Variants in ZAN observed in about 807,000 individuals in gnomAD.
ZAN encodes zonadhesin (gene/pseudogene).
In ZAN, 260 loss-of-function variants were observed where a neutral mutation model predicts 286.2. The ratio of observed to expected loss-of-function variants is 0.91; its 90% CI spans 0.82 to 1.01. ZAN has a LOEUF of 1.01. Among genes scored for constraint, ZAN ranks in the 50% least tolerant of loss-of-function variants. The pLI is 0.00. For synonymous variants in ZAN, 1,368 were observed against 1,417.5 expected (o/e 0.97, Z 0.79); for missense variants, 3,410 against 3,639.2 (o/e 0.94, Z 1.62).
intron 37 of ZAN, among the ~76,000 whole-genome samples, chr7:100,786,972 G>T (rs1324204823): frequency 6.6e-6 from 1 of 152,080 alleles, no homozygotes; most frequent in Non-Finnish European, 1.5e-5. Context: ...TGACGCAGGA[G>T]AATTGCTTGA....
In ZAN at chr7:100,758,537, C is replaced by T; in HGVS notation, c.3458C>T (p.Thr1153Ile). 6.4e-7 allele frequency: 1 copy of T among 1,558,958 alleles called. No individual in the cohort carries two copies. ...GQYGCHPYAGTATCLVYGDPH... is the reference protein window; with the variant it reads ...GQYGCHPYAGIATCLVYGDPH... ...TTCTCCTTCCCCCTCCCAGCAGGCA[C>T]TGCCACCTGCTTGGTCTACGGAGAC... Residue 1153 changes from threonine to isoleucine, a missense_variant, in exon 17 of 48, where the codon ACT becomes ATT. Around this residue, in one of 7 missense-constraint regions of ZAN, gnomAD observed 1,042 missense variants for 1,058.0 expected, o/e 0.98. Coordinates refer to ENST00000613979, the MANE Select transcript of ZAN (RefSeq NM_003386.3).
At chr7:100,790,125 G>A (rs541234103) in intron 39 of ZAN, among the ~76,000 whole-genome samples, 1 of 151,944 alleles carries the variant, frequency 6.6e-6, no homozygotes, top group African/African-American at 2.4e-5. Flanking sequence ...TTAGCTGGAT[G>A]TGGTGGTGCA....
chr7:100,773,854 G>GTT lies in ZAN; in HGVS notation c.5769_5770insTT (p.Arg1924PhefsTer18), dbSNP rs1060499917. On this transcript the variant is annotated frameshift_variant, in exon 31 of 48. Coordinates refer to ENST00000613979, the MANE Select transcript of ZAN (RefSeq NM_003386.3). LOFTEE classifies it high-confidence loss of function. The stretch of plus-strand genomic sequence containing the variant: ...TGGGCCCTGGATGGGCTGCTCCATT[G>GTT]TCGGGCCTCAGGTAGGAGGACCACG... 0.54 allele frequency: 725,741 copies of GTT among 1,356,342 alleles called. 175,140 individuals carry two copies. Among genetic ancestry groups the GTT allele is most frequent in the Middle Eastern group, 0.63 (3,333 of 5,262 alleles). The allele number at this position is 1,356,342 out of a possible 1,614,324, so 84.0% of individuals were successfully genotyped here.
intron 1 of ZAN, 146 bp from the exon 2 acceptor site, chr7:100,733,881 A>G: frequency 1.1e-5 from 3 of 267,062 alleles, no homozygotes; most frequent in Non-Finnish European, 2.2e-5. Context: ...TTGAGGTTAG[A>G]CTTCCTGGAT....
intron 23 of ZAN, 118 bp downstream of exon 23, chr7:100,765,672 C>T (rs574798150): frequency 6.3e-5 from 82 of 1,305,298 alleles, no homozygotes; most frequent in African/African-American, 5.9e-4. Context: ...GTTTTTGAGA[C>T]GGAGTTTTGC....
rs1810387900 is a variant in ZAN, at chr7:100,771,884, C to G, written c.5289C>G (p.Ser1763=). 6.2e-7 allele frequency: 1 copy of G among 1,613,144 alleles called. No individual in the cohort carries two copies. Residue 1763 remains serine, a synonymous_variant, in exon 29 of 48, where the codon TCC becomes TCG. Coordinates refer to ENST00000613979, the MANE Select transcript of ZAN (RefSeq NM_003386.3). The part of the protein sequence containing the change: ...SQCHQVVPPQ[S]SFASCVHGQC... ...GTCACCAGGTGGTGCCTCCCCAGTC[C>G]AGCTTTGCCAGTTGCGTGCATGGTC...
Position 100,734,240 on chromosome 7 carries a change from G to C in ZAN, c.53+19G>C. 6 of 1,417,032 alleles carry C rather than the reference G, an allele frequency of 4.2e-6. 1 individual carries two copies. The highest frequency in any genetic ancestry group is 5.7e-6 in the Non-Finnish European group (6 of 1,044,252). The allele number at this position is 1,417,032 out of a possible 1,614,324, so 87.8% of individuals were successfully genotyped here. ...TTTTCAGGTAAGCTGGGCCCAGGGG[G>C]TAATGATAAACCAGGGTCAGCTGAG... On this transcript the variant is annotated intron_variant, in intron 2 of 47. Coordinates refer to ENST00000613979, the MANE Select transcript of ZAN (RefSeq NM_003386.3).
chr7:100,791,148 G>A (rs1470835542), intron 40 of ZAN, 35 bp downstream of exon 40: 2 of 1,592,766 alleles, frequency 1.3e-6, no homozygotes, highest in East Asian at 4.5e-5. Context: ...CGGGGGAGGT[G>A]AACAACAATG....
intron 35 of ZAN, among the ~76,000 whole-genome samples, chr7:100,780,924 C>T (rs769099443): frequency 2.2e-4 from 34 of 151,610 alleles, no homozygotes; most frequent in Non-Finnish European, 1.2e-4. Context: ...ACCCCCGCAT[C>T]GCTACAAAAA....
intron 19 of ZAN, among the ~76,000 whole-genome samples, chr7:100,760,772 C>T (rs957697421): frequency 6.6e-6 from 1 of 152,146 alleles, no homozygotes; most frequent in Non-Finnish European, 1.5e-5. Context: ...GATGTACATG[C>T]TTTGGGAATG....
At chr7:100,759,667 G>T in intron 17 of ZAN, 54 bp from the exon 18 acceptor site, 1 of 1,532,382 alleles carries the variant, frequency 6.5e-7, no homozygotes. Flanking sequence ...CACTGCTCGC[G>T]GCAGATGTTC....
chr7:100,753,828 G>A (rs1377707840), intron 14 of ZAN, among the ~76,000 whole-genome samples: 14 of 112,688 alleles, frequency 1.2e-4, no homozygotes, highest in South Asian at 6.6e-4. Context: ...GCAAGACATC[G>A]TCCTAAAAAA....
rs945615729 is a variant in ZAN, at chr7:100,737,081, G to A, written c.525+1G>A. Reference sequence around the variant, plus strand: ...CGCAGGGTTCACCCTGCCCACCCGGGTAAGGCCGGGGACAAATTGTGGGAC... The same window carrying A: ...CGCAGGGTTCACCCTGCCCACCCGGATAAGGCCGGGGACAAATTGTGGGAC... On this transcript the variant is annotated splice_donor_variant, in intron 5 of 47. Coordinates refer to ENST00000613979, the MANE Select transcript of ZAN (RefSeq NM_003386.3). LOFTEE classifies it high-confidence loss of function. The A allele has an allele frequency of 6.7e-7, 1 of 1,490,832 alleles. No individual in the cohort carries two copies. The highest frequency in any genetic ancestry group is 9.2e-7 in the Non-Finnish European group (1 of 1,091,552). 92.4% of individuals were successfully genotyped at this position (1,490,832 alleles called of 1,614,324 possible).
In ZAN at chr7:100,766,534, C is replaced by T. The variant is rs370761138; in HGVS notation, c.4480C>T (p.Arg1494Trp). ...CTGCTGTCTTCCCCAGGTAGGGGAG[C>T]GGTGGTACAAGCCAGGCTGCAAAGA... ...PAGSYFKVGERWYKPGCKELC... is the reference protein window; with the variant it reads ...PAGSYFKVGEWWYKPGCKELC... Residue 1494 changes from arginine (R) to tryptophan (W), a missense_variant, in exon 24 of 48, where the codon CGG becomes TGG. This residue lies in a region of ZAN where 1,042 missense variants were observed against 1,058.0 expected (regional missense o/e 0.98). Transcript: ENST00000613979. 18 of 1,550,126 alleles carry T rather than the reference C, an allele frequency of 1.2e-5. No homozygotes were observed. Among genetic ancestry groups the T allele is most frequent in the Middle Eastern group, 1.7e-4 (1 of 6,006 alleles).
intron 40 of ZAN, among the ~76,000 whole-genome samples, chr7:100,791,603 C>T (rs1811964755): frequency 6.6e-6 from 1 of 152,120 alleles, no homozygotes; most frequent in African/African-American, 2.4e-5. Flanking sequence ...GACAGGGTTT[C>T]ACCATGTTGG....
chr7:100,748,641 C>G (rs1422920107), intron 11 of ZAN, among the ~76,000 whole-genome samples, 171 bp downstream of exon 11: 1 of 152,104 alleles, frequency 6.6e-6, no homozygotes, highest in African/African-American at 2.4e-5. Context: ...AGCAGAGTAA[C>G]TTAAAGATTC....
intron 41 of ZAN, 112 bp from the exon 42 acceptor site, chr7:100,792,293 C>T: frequency 6.6e-7 from 1 of 1,514,334 alleles, no homozygotes; most frequent in Non-Finnish European, 8.9e-7. Context: ...GTGACCCTCA[C>T]TGGACACCGA....
At chr7:100,779,019 T>G (rs1286283392) in intron 34 of ZAN, among the ~76,000 whole-genome samples, 1 of 149,334 alleles carries the variant, frequency 6.7e-6, no homozygotes, top group Non-Finnish European at 1.5e-5. Context: ...GGCGATACAG[T>G]GGGACCTTGT....
chr7:100,749,572 A>G (rs948194719), intron 11 of ZAN, among the ~76,000 whole-genome samples: 17 of 149,808 alleles, frequency 1.1e-4, no homozygotes, highest in Admixed American at 2.7e-4. Flanking sequence ...CCCGGGAGGC[A>G]GAGCTTGCAG....
Sources: gnomAD v4.1 joint callset for allele counts (sites outside exome capture counted in the v4.1 genomes callset) on GRCh38, gnomAD v4.1.1 for gene constraint, gnomAD v4.1.1 regional missense constraint, MANE v1.5 for transcripts, NCBI Gene and HGNC (gene_info 2026-07-23, HGNC 2026-07-21) for gene names.